The following ZNF705D variants were observed in gnomAD, a reference collection of about 807,000 sequenced individuals.
ZNF705D encodes putative zinc finger protein 705C.
For synonymous variants in ZNF705D, 1 was observed against 43.8 expected, an observed-to-expected ratio of 0.02 and a Z score of 3.86; for missense variants, 6 against 129.4, an observed-to-expected ratio of 0.05 and a Z score of 4.63.
the ZNF705D span, among the ~76,000 whole-genome samples, chr8:12,090,785 C>G: frequency 2.0e-5 from 1 of 50,476 alleles, no homozygotes; most frequent in South Asian, 1.8e-3. Flanking sequence ...TGCAGGTTGT[C>G]TTTTTGCTCT....
At chr8:12,100,701 T>G (rs1382685957), upstream of ZNF705D, among the ~76,000 whole-genome samples, 4 of 4,672 alleles carry the variant, frequency 8.6e-4, 2 homozygotes, top group African/African-American at 1.0e-3. Flanking sequence ...ACACTTTTCC[T>G]ACGCATAAAG....
chr8:12,090,193 T>TGG, the ZNF705D span, among the ~76,000 whole-genome samples: 2 of 90,172 alleles, frequency 2.2e-5, 1 homozygote, highest in Non-Finnish European at 5.2e-5. Context: ...CAGGCAGGAA[T>TGG]GGGCTACTTG....
chr8:12,105,030 TC>T (rs1402481114), upstream of ZNF705D, among the ~76,000 whole-genome samples: 2 of 92,666 alleles, frequency 2.2e-5, no homozygotes, highest in African/African-American at 5.9e-5. Context: ...AAATCTATTC[TC>T]TTTTACTCTG....
the ZNF705D span, chr8:12,095,348 G>C: frequency 2.5e-6 from 1 of 392,674 alleles, no homozygotes; most frequent in Non-Finnish European, 3.5e-6. Flanking sequence ...GGCTACAGCA[G>C]AAGAGGGTTA....
chr8:12,089,710 C>G, the ZNF705D span, among the ~76,000 whole-genome samples: 1 of 69,484 alleles, frequency 1.4e-5, no homozygotes, highest in Non-Finnish European at 3.9e-5. Context: ...TGGGGCTAGG[C>G]GTGCCTGAGC....
the ZNF705D span, among the ~76,000 whole-genome samples, chr8:12,097,611 C>G: frequency 2.8e-5 from 4 of 142,350 alleles, no homozygotes; most frequent in South Asian, 7.5e-4. Flanking sequence ...CACACATGCA[C>G]TCCCTGAATC....
At chr8:12,113,307 GAC>G (rs1233749747), downstream of ZNF705D, 3 of 598,316 alleles carry the variant, frequency 5.0e-6, no homozygotes, top group African/African-American at 5.7e-5. Context: ...GACTTTAGAT[GAC>G]ACAGTGTTAG....
At chr8:12,091,768 T>C in the ZNF705D span, among the ~76,000 whole-genome samples, 1 of 11,198 alleles carries the variant, frequency 8.9e-5, no homozygotes, top group African/African-American at 1.7e-4. Flanking sequence ...TGCACCTCCA[T>C]GCCCGGCTAA....
chr8:12,089,635 C>G, the ZNF705D span, among the ~76,000 whole-genome samples: 3 of 67,046 alleles, frequency 4.5e-5, 1 homozygote, highest in African/African-American at 9.0e-5. Flanking sequence ...CTCCAGAACT[C>G]CAAAGATCGT....
intron 1 of ZNF705D, among the ~76,000 whole-genome samples, chr8:12,109,182 T>C (rs1188112598): frequency 6.6e-4 from 63 of 94,846 alleles, no homozygotes; most frequent in African/African-American, 1.7e-3. Context: ...CAGTCTTGTC[T>C]TGTGCTGCTA....
At chr8:12,099,723 CT>C (rs1234128029), upstream of ZNF705D, among the ~76,000 whole-genome samples, 5 of 94,050 alleles carry the variant, frequency 5.3e-5, no homozygotes, top group Admixed American at 1.2e-4. Context: ...ACTGAGAGTC[CT>C]TTTTTTTATT....
chr8:12,089,900 C>T, the ZNF705D span, among the ~76,000 whole-genome samples: 2 of 47,474 alleles, frequency 4.2e-5, no homozygotes, highest in African/African-American at 6.6e-5. Context: ...CTCACTCCCA[C>T]AATGCCCCTT....
At chr8:12,094,376 T>G in the ZNF705D span, among the ~76,000 whole-genome samples, 1 of 69,474 alleles carries the variant, frequency 1.4e-5, no homozygotes, top group African/African-American at 3.5e-5. Context: ...GTGCAACTCT[T>G]TTTATAATTT....
At chr8:12,105,752 A>AAG (rs1193647943), upstream of ZNF705D, among the ~76,000 whole-genome samples, 3 of 49,168 alleles carry the variant, frequency 6.1e-5, no homozygotes, top group African/African-American at 9.4e-5. Context: ...AAAAAAAAAA[A>AAG]AGAGAGAGAG....
chr8:12,103,492 C>A (rs1412397227), upstream of ZNF705D, among the ~76,000 whole-genome samples: 17 of 81,820 alleles, frequency 2.1e-4, no homozygotes, highest in African/African-American at 5.0e-4. Flanking sequence ...AGCCTTTAAC[C>A]TTGATCCTGC....
the ZNF705D span, among the ~76,000 whole-genome samples, chr8:12,090,632 A>G: frequency 3.2e-4 from 3 of 9,466 alleles, no homozygotes; most frequent in African/African-American, 3.6e-4. Context: ...GGCAGCATGT[A>G]TGTCTTCTTT....
At chr8:12,104,440 AC>A (rs1802174533), upstream of ZNF705D, 2 of 70,484 alleles carry the variant, frequency 2.8e-5, 1 homozygote, top group Admixed American at 3.7e-4. Context: ...TGAGGTAAGT[AC>A]TTAGATTATT....
At chr8:12,109,188 T>A (rs1171725202) in intron 1 of ZNF705D, among the ~76,000 whole-genome samples, 3 of 93,890 alleles carry the variant, frequency 3.2e-5, no homozygotes, top group African/African-American at 8.8e-5. Context: ...TGTCTTGTGC[T>A]GCTAGACTGT....
upstream of ZNF705D, among the ~76,000 whole-genome samples, chr8:12,105,693 C>T (rs1209969673): frequency 6.0e-5 from 3 of 49,904 alleles, 1 homozygote. Flanking sequence ...GCCGAGATCG[C>T]GCCACTGCAC....
Sources: allele counts gnomAD v4.1 joint callset (sites outside exome capture counted in the v4.1 genomes callset), GRCh38; gene constraint gnomAD v4.1.1; transcripts MANE v1.5; gene names NCBI Gene and HGNC (gene_info 2026-07-23, HGNC 2026-07-21).